The following CSMD3 variants were observed in gnomAD, a reference collection of about 807,000 sequenced individuals.
The protein encoded by CSMD3 is CUB and Sushi multiple domains 3.
In CSMD3, 177 loss-of-function variants were observed where a neutral mutation model predicts 435.2. The observed-to-expected ratio is 0.41, with a 90% CI of 0.36 to 0.46. The LOEUF (loss-of-function observed/expected upper bound fraction) is 0.46. Among genes scored for constraint, CSMD3 ranks in the 20% least tolerant of loss-of-function variants. The pLI is 0.34. For missense variants in CSMD3, 4,265 were observed against 4,504.6 expected, an observed-to-expected ratio of 0.95 and a Z score of 1.52; for synonymous variants, 1,656 against 1,520.5, an observed-to-expected ratio of 1.09 and a Z score of -2.07.
At chr8:112,591,101 T>G (rs1831152270) in intron 22 of CSMD3, among the ~76,000 whole-genome samples, 1 of 152,146 alleles carries the variant, frequency 6.6e-6, no homozygotes, top group Non-Finnish European at 1.5e-5. Flanking sequence ...AGTGCTCTTT[T>G]TAGCATATAA....
chr8:112,876,702 C>T (rs2081292173), intron 10 of CSMD3, among the ~76,000 whole-genome samples: 1 of 152,096 alleles, frequency 6.6e-6, no homozygotes, highest in African/African-American at 2.4e-5. Flanking sequence ...CAGCACAAGA[C>T]AAGGATGCCC....
At chr8:113,399,106 T>TATACACACACACACAC (rs773585004) in intron 1 of CSMD3, among the ~76,000 whole-genome samples, 2 of 95,064 alleles carry the variant, frequency 2.1e-5, no homozygotes, top group South Asian at 8.3e-4. Context: ...TATATATATA[T>TATACACACACACACAC]ACACACACAC....
intron 14 of CSMD3, among the ~76,000 whole-genome samples, chr8:112,688,986 G>T (rs996405834): frequency 2.6e-5 from 4 of 151,914 alleles, no homozygotes; most frequent in African/African-American, 9.7e-5. Context: ...AGAACACCTA[G>T]AATTAAAAAT....
chr8:112,586,998 A>G (rs1830784225), intron 23 of CSMD3, 68 bp downstream of exon 23: 2 of 1,067,902 alleles, frequency 1.9e-6, no homozygotes, highest in South Asian at 2.6e-5. Flanking sequence ...AGATGTATAT[A>G]TTTATCTATT....
chr8:113,066,470 T>C (rs559740816), intron 5 of CSMD3, among the ~76,000 whole-genome samples: 52 of 152,188 alleles, frequency 3.4e-4, no homozygotes, highest in African/African-American at 1.2e-3. Context: ...TTCTAAAGAT[T>C]TGTTTCACCA....
chr8:112,795,247 C>G (rs1018928279), intron 13 of CSMD3, among the ~76,000 whole-genome samples: 3 of 151,822 alleles, frequency 2.0e-5, no homozygotes, highest in African/African-American at 7.3e-5. Flanking sequence ...CAAATTGATC[C>G]CAGGGTGTAC....
chr8:112,883,386 G>A (rs1277732877), intron 10 of CSMD3, among the ~76,000 whole-genome samples: 3 of 151,970 alleles, frequency 2.0e-5, no homozygotes, highest in African/African-American at 7.2e-5. Flanking sequence ...GAGTAAGAGA[G>A]CTAGAAAACA....
At chr8:112,895,141 C>T (rs536566933) in intron 10 of CSMD3, among the ~76,000 whole-genome samples, 1 of 151,394 alleles carries the variant, frequency 6.6e-6, no homozygotes, top group South Asian at 2.1e-4. Context: ...ATATAACAGT[C>T]AACAAAACTC....
intron 36 of CSMD3, among the ~76,000 whole-genome samples, chr8:112,386,287 A>C (rs909859274): frequency 3.3e-5 from 5 of 152,202 alleles, no homozygotes; most frequent in African/African-American, 4.8e-5. Flanking sequence ...AACTCATGGT[A>C]ATTTGTTACA....
At chr8:112,932,755 TCAGTATTTGATAGCA>T (rs2083154722) in intron 9 of CSMD3, among the ~76,000 whole-genome samples, 2 of 152,088 alleles carry the variant, frequency 1.3e-5, no homozygotes, top group Admixed American at 1.3e-4. Flanking sequence ...AGGAATAATT[TCAGTATTTGATAGCA>T]CAGTAGGGTG....
At chr8:112,808,823 G>A (rs550261616) in intron 12 of CSMD3, among the ~76,000 whole-genome samples, 19 of 151,706 alleles carry the variant, frequency 1.3e-4, no homozygotes, top group African/African-American at 4.4e-4. Flanking sequence ...AGCGCTAGCC[G>A]TCTCTCGGTC....
At chr8:112,955,171 A>C (rs969869405) in intron 7 of CSMD3, among the ~76,000 whole-genome samples, 1 of 151,696 alleles carries the variant, frequency 6.6e-6, no homozygotes, top group Non-Finnish European at 1.5e-5. Context: ...TCTTTAAAAT[A>C]AATTTCCTAA....
chr8:112,791,162 A>G (rs1343896392), intron 13 of CSMD3, among the ~76,000 whole-genome samples: 1 of 151,942 alleles, frequency 6.6e-6, no homozygotes, highest in Non-Finnish European at 1.5e-5. Context: ...ATCTCTATAA[A>G]AAATACAAAA....
intron 45 of CSMD3, among the ~76,000 whole-genome samples, chr8:112,327,564 T>C (rs1823624397): frequency 6.6e-6 from 1 of 152,194 alleles, no homozygotes; most frequent in African/African-American, 2.4e-5. Context: ...GCCATGACCA[T>C]TAACAGAAAA....
intron 32 of CSMD3, among the ~76,000 whole-genome samples, chr8:112,462,087 G>T (rs1817504790): frequency 6.6e-6 from 1 of 152,188 alleles, no homozygotes; most frequent in Admixed American, 6.5e-5. Flanking sequence ...GCAAACGACT[G>T]CAATCCAGAC....
intron 4 of CSMD3, among the ~76,000 whole-genome samples, chr8:113,164,400 G>T (rs2092108932): frequency 6.8e-6 from 1 of 146,926 alleles, no homozygotes. Flanking sequence ...AATTGCCTTG[G>T]TCAAAATATA....
chr8:113,321,338 T>C (rs566263043), intron 1 of CSMD3, among the ~76,000 whole-genome samples: 2 of 152,278 alleles, frequency 1.3e-5, no homozygotes, highest in Admixed American at 1.3e-4. Context: ...AGTGCTAAAC[T>C]GGATTCTTAA....
intron 31 of CSMD3, among the ~76,000 whole-genome samples, chr8:112,485,719 A>G (rs1470605816): frequency 6.6e-6 from 1 of 152,154 alleles, no homozygotes; most frequent in African/African-American, 2.4e-5. Context: ...GAAAGCTGTA[A>G]TTATAAAATT....
intron 4 of CSMD3, among the ~76,000 whole-genome samples, chr8:113,118,488 T>A (rs567510285): frequency 6.6e-6 from 1 of 152,172 alleles, no homozygotes; most frequent in East Asian, 1.9e-4. Context: ...TATTCTGGAT[T>A]GGTGTTATAT....
Sources: gnomAD v4.1 joint callset for allele counts (sites outside exome capture counted in the v4.1 genomes callset) on GRCh38, gnomAD v4.1.1 for gene constraint, MANE v1.5 for transcripts, NCBI Gene and HGNC (gene_info 2026-07-23, HGNC 2026-07-21) for gene names.